Variants in IPO9 observed in about 807,000 individuals in gnomAD.
IPO9 encodes importin 9.
A neutral mutation model predicts 128.6 loss-of-function variants in IPO9; 28 were observed. The observed-to-expected ratio is 0.22, with a 90% CI of 0.16 to 0.30. IPO9 has a LOEUF of 0.30. Among genes scored for constraint, IPO9 ranks in the 10% least tolerant of loss-of-function variants. The pLI, the probability that IPO9 is intolerant of heterozygous loss-of-function variation, is 1.00. For synonymous variants in IPO9, 455 were observed against 475.8 expected (o/e 0.96, Z 0.57); for missense variants, 935 against 1,293.9 (o/e 0.72, Z 4.26).
Position 201,875,231 on chromosome 1 carries a change from G to A in IPO9, c.3015+3G>A, listed in dbSNP as rs1398638824. On this transcript the variant is annotated splice_donor_region_variant and intron_variant, in intron 23 of 23. Transcript: ENST00000361565. ...CTCTCTATCAGATTGATCTGCAGGTGAGGGTGTCCAGAGATATCTTGCAAA... is the reference window on the plus strand; with the variant it reads ...CTCTCTATCAGATTGATCTGCAGGTAAGGGTGTCCAGAGATATCTTGCAAA... The A allele has an allele frequency of 6.2e-7, 1 of 1,612,512 alleles. No individual in the cohort carries two copies. The highest frequency in any genetic ancestry group is 8.5e-7 in the Non-Finnish European group (1 of 1,178,496).
rs78392627 is a variant in IPO9 at position 201,837,557 on chromosome 1, T to A, written c.163+8185T>A. Among the ~76,000 whole-genome samples, 454 of 152,286 alleles carry A rather than the reference T, an allele frequency of 3.0e-3. 2 individuals carry two copies. Among genetic ancestry groups the A allele is most frequent in the African/African-American group, 9.6e-3 (400 of 41,548 alleles). ...ATCAGTGCTTTCATTGGAAGGACAG[T>A]TGTTCAGATTTGTTTAAGCTTAAAG... On this transcript the variant is annotated intron_variant, in intron 1 of 23. Coordinates refer to ENST00000361565, the MANE Select transcript of IPO9 (RefSeq NM_018085.5).
chr1:201,873,090 G>A lies in IPO9; in HGVS notation c.2710+129G>A, dbSNP rs78227116. Reference sequence around the variant, plus strand: ...TGTTGGTGATGGGTTTGATAAAGAAGAAGCAGGAAACTTAGGTAAAAGGGA... The same window carrying A: ...TGTTGGTGATGGGTTTGATAAAGAAAAAGCAGGAAACTTAGGTAAAAGGGA... On this transcript the variant is annotated intron_variant, in intron 20 of 23. Coordinates refer to ENST00000361565, the MANE Select transcript of IPO9 (RefSeq NM_018085.5). 3.4e-3 allele frequency: 3,773 copies of A among 1,109,466 alleles called. 59 individuals are homozygous for A. In the African/African-American group the frequency reaches 0.044, roughly 13 times the overall value. 68.7% of individuals were successfully genotyped at this position (1,109,466 alleles called of 1,614,324 possible). A position where few individuals can be genotyped will look rare whatever the true frequency, so the allele number is the denominator to read the frequency against.
In IPO9 at chr1:201,881,343, T is replaced by A. The variant is rs560634253; in HGVS notation, c.*5289T>A. ...TTGATGAAACTGAAGCAGACAGATA[T>A]TGTTAACCTATCAAAGGTCACCCTG... On this transcript the variant is annotated 3_prime_UTR_variant, in exon 24 of 24. Transcript: ENST00000361565. 3.3e-5 allele frequency: 5 copies of A among 152,206 alleles called. No homozygotes were observed. The highest frequency in any genetic ancestry group is 3.3e-4 in the Admixed American group (5 of 15,278). The allele number at this position is 152,206 out of a possible 1,614,324, so 9.4% of individuals were successfully genotyped here.
intron 14 of IPO9, among the ~76,000 whole-genome samples, chr1:201,864,503 T>G (rs1680513971): frequency 6.6e-6 from 1 of 152,106 alleles, no homozygotes; most frequent in Non-Finnish European, 1.5e-5. Flanking sequence ...ATTTTAAGGG[T>G]TTTTCTGAGT....
chr1:201,865,862 C>T (rs1016972368), intron 14 of IPO9, among the ~76,000 whole-genome samples: 4 of 152,078 alleles, frequency 2.6e-5, no homozygotes, highest in Non-Finnish European at 5.9e-5. Flanking sequence ...GGGGCCAAGG[C>T]AAGTGGATCA....
At chr1:201,839,142 A>G (rs760980127) in intron 1 of IPO9, among the ~76,000 whole-genome samples, 3 of 148,994 alleles carry the variant, frequency 2.0e-5, no homozygotes, top group Non-Finnish European at 4.4e-5. Context: ...CTGGTCTCGA[A>G]CTCCTAACCT....
intron 16 of IPO9, 36 bp downstream of exon 16, chr1:201,868,832 A>T (rs769094906): frequency 6.4e-7 from 1 of 1,553,690 alleles, no homozygotes; most frequent in Non-Finnish European, 8.7e-7. Context: ...TGTGTGTGAG[A>T]GAGATCTACA....
Position 201,829,178 on chromosome 1 carries a change from G to A in IPO9, c.-32G>A. On this transcript the variant is annotated 5_prime_UTR_variant, in exon 1 of 24. Transcript: ENST00000361565. ...GGCCGTCATTCGGTGGCGGGTCCCG[G>A]CCGCGGGGCTGGCGGGCTGAGGGGA... 2 of 1,465,120 alleles carry A rather than the reference G, an allele frequency of 1.4e-6. No individual in the cohort carries two copies. Among genetic ancestry groups the A allele is most frequent in the Non-Finnish European group, 1.8e-6 (2 of 1,109,096 alleles). 90.8% of individuals were successfully genotyped at this position (1,465,120 alleles called of 1,614,324 possible). A position where few individuals can be genotyped will look rare whatever the true frequency, so the allele number is the denominator to read the frequency against.
chr1:201,855,498 G>A lies in IPO9; in HGVS notation c.971-285G>A, dbSNP rs188831633. ...GGGGGTCCCAGATCATGAATCTTTC[G>A]TTTCTGTTTTAACATTTCTCATTAT... On this transcript the variant is annotated intron_variant, in intron 9 of 23. Transcript: ENST00000361565. 9.2e-5 allele frequency among the ~76,000 whole-genome samples: 14 copies of A among 152,170 alleles called. No individual in the cohort carries two copies. The East Asian group carries it at 2.7e-3, about 29-fold the overall frequency.
intron 1 of IPO9, among the ~76,000 whole-genome samples, chr1:201,839,986 C>T (rs1317178226): frequency 1.3e-5 from 2 of 152,144 alleles, no homozygotes; most frequent in Admixed American, 6.5e-5. Context: ...ACCAAAACAA[C>T]ACTCAGACAT....
At chr1:201,875,816 C>T in intron 23 of IPO9, 128 bp from the exon 24 acceptor site, 1 of 691,354 alleles carries the variant, frequency 1.4e-6, no homozygotes, top group South Asian at 1.7e-5. Flanking sequence ...CATGAAAGAC[C>T]ATCCCTCAGG....
rs186574337 is a variant in IPO9, at chr1:201,847,051, A to G, written c.164-228A>G. Among the ~76,000 whole-genome samples the G allele has an allele frequency of 2.8e-3, 431 of 152,370 alleles. 5 individuals are homozygous for G. Among genetic ancestry groups the G allele is most frequent in the Admixed American group, 0.026 (405 of 15,308 alleles). On this transcript the variant is annotated intron_variant, in intron 1 of 23. Coordinates refer to ENST00000361565, the MANE Select transcript of IPO9 (RefSeq NM_018085.5). ...AGAAGATGGCTGGAAGGTGCTATGC[A>G]GTGACTGGAAAAAGTGTAAGGGTGT...
At position 201,829,242 on chromosome 1, in the gene IPO9, C is replaced by T; in HGVS notation, c.33C>T (p.Ser11=). 1 of 1,573,874 alleles carries T rather than the reference C, an allele frequency of 6.4e-7. No homozygotes were observed. Among genetic ancestry groups the T allele is most frequent in the East Asian group, 2.5e-5 (1 of 40,300 alleles). The change falls in exon 1 of 24, where the codon TCC becomes TCT. Residue 11 remains serine, a synonymous_variant. Transcript: ENST00000361565. MAAAAAAGAA[S]GLPGPVAQGL... The stretch of plus-strand genomic sequence containing the variant: ...CGGCGGCGGCAGCTGGTGCGGCCTC[C>T]GGGCTGCCGGGTCCAGTGGCACAAG...
intron 1 of IPO9, among the ~76,000 whole-genome samples, chr1:201,842,890 A>G (rs1680058246): frequency 6.6e-6 from 1 of 152,236 alleles, no homozygotes; most frequent in Non-Finnish European, 1.5e-5. Flanking sequence ...AGTTTGATAT[A>G]ATTGAGCTAA....
At position 201,875,165 on chromosome 1, in the gene IPO9, C is replaced by T. The variant is rs750181885; in HGVS notation, c.2952C>T (p.Tyr984=). 4.3e-6 allele frequency: 7 copies of T among 1,614,082 alleles called. No individual in the cohort carries two copies. The highest frequency in any genetic ancestry group is 1.3e-5 in the African/African-American group (1 of 75,028). ...LATSKYEEDY[Y]EDDEEDDPDA... ...TATGTCTAACAGAGGAGGATTACTA[C>T]GAGGATGATGAGGAAGATGACCCTG... is the stretch of plus-strand genomic sequence containing the variant. The change falls in exon 23 of 24, where the codon TAC becomes TAT. Residue 984 remains tyrosine, a synonymous_variant. Transcript: ENST00000361565.
chr1:201,836,119 CAAAAAAAAAAAA>C (rs34447985), intron 1 of IPO9, among the ~76,000 whole-genome samples: 2 of 55,362 alleles, frequency 3.6e-5, no homozygotes, highest in East Asian at 6.7e-4. Flanking sequence ...GACTCCATCT[CAAAAAAAAAAAA>C]AAAAAAAAAA....
intron 1 of IPO9, among the ~76,000 whole-genome samples, chr1:201,845,752 A>G (rs1413963888): frequency 6.6e-6 from 1 of 152,204 alleles, no homozygotes; most frequent in Non-Finnish European, 1.5e-5. Flanking sequence ...TATTACATTT[A>G]TAGGCATCTC....
At chr1:201,854,965 A>G in intron 8 of IPO9, 42 bp downstream of exon 8, 1 of 1,506,498 alleles carries the variant, frequency 6.6e-7, no homozygotes, top group Non-Finnish European at 9.0e-7. Context: ...TACCACCTAT[A>G]GTTAGGAATC....
At chr1:201,875,815 C>G (rs1680751895) in intron 23 of IPO9, 129 bp from the exon 24 acceptor site, 8 of 691,722 alleles carry the variant, frequency 1.2e-5, no homozygotes, top group Non-Finnish European at 2.1e-5. Context: ...ACATGAAAGA[C>G]CATCCCTCAG....
Sources: allele counts gnomAD v4.1 joint callset (sites outside exome capture counted in the v4.1 genomes callset), GRCh38; gene constraint gnomAD v4.1.1; transcripts MANE v1.5; gene names NCBI Gene and HGNC (gene_info 2026-07-23, HGNC 2026-07-21).